The following BCL6 variants were observed in gnomAD, a reference collection of about 807,000 sequenced individuals.
BCL6 encodes the protein BCL6 transcription repressor.
Under a neutral mutation model 59.5 loss-of-function variants are expected in BCL6, and 7 were observed. That is an observed-to-expected ratio of 0.12 (90% CI 0.07 to 0.22). The LOEUF (loss-of-function observed/expected upper bound fraction) is 0.22, where lower values mean the gene tolerates loss of function less well. BCL6 is among the 10% of genes least tolerant of loss of function. BCL6 has a pLI of 1.00. For missense variants in BCL6, 685 were observed against 939.4 expected (o/e 0.73, Z 3.54); for synonymous variants, 339 against 349.7 (o/e 0.97, Z 0.34).
intron 1 of BCL6, among the ~76,000 whole-genome samples, chr3:187,745,131 A>T (rs981864387): frequency 6.6e-6 from 1 of 152,240 alleles, no homozygotes; most frequent in East Asian, 1.9e-4. Flanking sequence ...AATAATAATA[A>T]TAAATACATA....
chr3:187,740,176 A>T (rs1711535958), intron 1 of BCL6, among the ~76,000 whole-genome samples: 1 of 152,176 alleles, frequency 6.6e-6, no homozygotes, highest in Admixed American at 6.5e-5. Context: ...AGAAAACTTT[A>T]CGGAGGAACT....
intron 1 of BCL6, among the ~76,000 whole-genome samples, chr3:187,744,576 A>G (rs1711794111): frequency 6.7e-6 from 1 of 149,344 alleles, no homozygotes; most frequent in Non-Finnish European, 1.5e-5. Flanking sequence ...ATTTATGACC[A>G]AAAAAACAAA....
At chr3:187,727,346 C>T (rs1718763887) in intron 6 of BCL6, among the ~76,000 whole-genome samples, 1 of 152,280 alleles carries the variant, frequency 6.6e-6, no homozygotes, top group Non-Finnish European at 1.5e-5. Context: ...TAATAAATCC[C>T]TGTCCTGCCT....
intron 9 of BCL6, 101 bp from the exon 10 acceptor site, chr3:187,722,702 G>T: frequency 2.0e-6 from 3 of 1,480,162 alleles, no homozygotes; most frequent in Non-Finnish European, 2.7e-6. Context: ...GAGGGACTGG[G>T]GCAGCTCTTG....
At chr3:187,732,773 G>A (rs1289938725) in intron 3 of BCL6, among the ~76,000 whole-genome samples, 1 of 152,218 alleles carries the variant, frequency 6.6e-6, no homozygotes, top group East Asian at 1.9e-4. Flanking sequence ...CTGGCATATA[G>A]TAAGCATTCA....
chr3:187,742,157 T>C (rs1711625872), intron 1 of BCL6, among the ~76,000 whole-genome samples: 1 of 152,204 alleles, frequency 6.6e-6, no homozygotes, highest in African/African-American at 2.4e-5. Context: ...CCAATATTTT[T>C]CAAAAATTGA....
rs1718636439 is a variant in BCL6, at chr3:187,725,433, C to T, written c.1839+66G>A. ...CTGCCCACTCCTCCGCTTGCCTGCC[C>T]ACTCCTCCGCTCGCCTGCCCGCTCC... On this transcript the variant is annotated intron_variant, in intron 8 of 9. Transcript: ENST00000406870. The surrounding 1 kb of genome is among the most constrained non-coding windows in gnomAD (Gnocchi z 4.7). 9 of 1,583,184 alleles carry T rather than the reference C, an allele frequency of 5.7e-6. No homozygotes were observed. Among genetic ancestry groups the T allele is most frequent in the African/African-American group, 4.1e-5 (3 of 72,560 alleles).
intron 6 of BCL6, among the ~76,000 whole-genome samples, chr3:187,727,576 A>AG (rs1006539241): frequency 2.6e-5 from 4 of 152,224 alleles, no homozygotes; most frequent in Admixed American, 6.5e-5. Context: ...AGAGGCCCAG[A>AG]GAAAAAGAAC....
At chr3:187,726,919 G>T (rs1718734418) in intron 6 of BCL6, 21 bp from the exon 7 acceptor site, 3 of 1,613,258 alleles carry the variant, frequency 1.9e-6, no homozygotes, top group Non-Finnish European at 2.5e-6. Flanking sequence ...GTGGTAGGGG[G>T]ACACCAAAGT....
intron 1 of BCL6, among the ~76,000 whole-genome samples, chr3:187,744,938 G>A (rs1711843351): frequency 1.3e-5 from 2 of 152,250 alleles, no homozygotes; most frequent in South Asian, 2.1e-4. Context: ...CCTCTCCGCG[G>A]TCTGGGGCCA....
chr3:187,742,800 T>C (rs571042373), intron 1 of BCL6, among the ~76,000 whole-genome samples: 2 of 152,312 alleles, frequency 1.3e-5, no homozygotes, highest in East Asian at 1.9e-4. Context: ...AAATATCTTT[T>C]CGTCTTTTTT....
At chr3:187,745,244 A>G (rs185102085) in intron 1 of BCL6, among the ~76,000 whole-genome samples, 166 bp downstream of exon 1, 1 of 152,288 alleles carries the variant, frequency 6.6e-6, no homozygotes. Flanking sequence ...ATATCAATAG[A>G]TACACATAGA....
intron 1 of BCL6, among the ~76,000 whole-genome samples, chr3:187,743,901 A>T (rs1711731495): frequency 6.6e-6 from 1 of 151,990 alleles, no homozygotes; most frequent in African/African-American, 2.4e-5. Flanking sequence ...AAAATCACTC[A>T]CAAAGATCTC....
At chr3:187,739,320 G>A (rs1711513774) in intron 1 of BCL6, among the ~76,000 whole-genome samples, 1 of 152,244 alleles carries the variant, frequency 6.6e-6, no homozygotes, top group Admixed American at 6.5e-5. Context: ...TCTCAGCAGT[G>A]TTTCAGCCAA....
Position 187,724,972 on chromosome 3 carries a change from A to G in BCL6, c.1946T>C (p.Leu649Pro), listed in dbSNP as rs1222785450. 6.2e-7 allele frequency: 1 copy of G among 1,613,822 alleles called. No homozygotes were observed. Among genetic ancestry groups the G allele is most frequent in the Admixed American group, 1.7e-5 (1 of 59,992 alleles). The stretch of plus-strand genomic sequence containing the variant: ...AGGTTTCTCTCCTGTGTGGATTCGC[A>G]GGTGGCTCTTCAGAGTCTGAAGGTG... ...FRHLQTLKSHLRIHTGEKPYH... is the reference protein window; with the variant it reads ...FRHLQTLKSHPRIHTGEKPYH... Residue 649 changes from leucine to proline, a missense_variant, in exon 9 of 10, where the codon CTG becomes CCG. Around this residue, in one of 7 missense-constraint regions of BCL6, gnomAD observed 38 missense variants for 97.9 expected, o/e 0.39. Coordinates refer to ENST00000406870, the MANE Select transcript of BCL6 (RefSeq NM_001706.5).
At chr3:187,733,815 C>G (rs1719159866) in intron 2 of BCL6, 112 bp from the exon 3 acceptor site, 6 of 1,109,492 alleles carry the variant, frequency 5.4e-6, no homozygotes, top group Admixed American at 2.0e-5. Flanking sequence ...AACTCAGGTC[C>G]CTTGTATTTG....
At chr3:187,745,161 G>C in intron 1 of BCL6, among the ~76,000 whole-genome samples, 1 of 152,236 alleles carries the variant, frequency 6.6e-6, no homozygotes, top group East Asian at 1.9e-4. Context: ...ATCCTATGGT[G>C]GGAGAGACGT....
rs149258247 is a variant in BCL6, at chr3:187,728,481, C to A, written c.1419G>T (p.Pro473=). ...ESHSPLYMHP[P]KCTSCGSQSP... Reference sequence around the variant, plus strand: ...ACTGAGAGCCGCAGGACGTGCACTTCGGGGGGTGCATGTAGAGTGGTGAGT... The same window carrying A: ...ACTGAGAGCCGCAGGACGTGCACTTAGGGGGGTGCATGTAGAGTGGTGAGT... Residue 473 remains proline, a synonymous_variant, in exon 6 of 10, where the codon CCG becomes CCT. Coordinates refer to ENST00000406870, the MANE Select transcript of BCL6 (RefSeq NM_001706.5). 14 of 1,611,762 alleles carry A rather than the reference C, an allele frequency of 8.7e-6. No individual in the cohort carries two copies. The highest frequency in any genetic ancestry group is 2.0e-4 in the Middle Eastern group (1 of 5,012).
At chr3:187,742,469 A>C (rs895645104) in intron 1 of BCL6, among the ~76,000 whole-genome samples, 2 of 152,236 alleles carry the variant, frequency 1.3e-5, no homozygotes. Flanking sequence ...AAAAGAAGAA[A>C]GGGGCAATTG....
Sources: gnomAD v4.1 joint callset for allele counts (sites outside exome capture counted in the v4.1 genomes callset) on GRCh38, gnomAD v4.1.1 for gene constraint, gnomAD v4.1.1 regional missense constraint, Gnocchi (gnomAD v3.1) non-coding constraint, MANE v1.5 for transcripts, NCBI Gene and HGNC (gene_info 2026-07-23, HGNC 2026-07-21) for gene names.